CYREN: variants seen among roughly 807,000 people sequenced by gnomAD.
CYREN encodes cell cycle regulator of NHEJ.
CYREN carries 7 observed loss-of-function variants against 9.7 expected under a neutral mutation model. The observed-to-expected ratio is 0.72, with a 90% CI of 0.41 to 1.36. The LOEUF is 1.36. Ranked by LOEUF, CYREN falls within the 40% of genes most tolerant of loss-of-function variation. The probability of loss-of-function intolerance (pLI) is 0.01; values close to 1 mark genes in which losing one functional copy is unlikely to be tolerated. For synonymous variants in CYREN, 76 were observed against 77.9 expected (o/e 0.98, Z 0.13); for missense variants, 215 against 198.1 (o/e 1.09, Z -0.51).
chr7:135,165,043 G>C (rs1339384045), downstream of CYREN: 1 of 1,516,194 alleles, frequency 6.6e-7, no homozygotes. Flanking sequence ...CATGGTCAGA[G>C]GTGGCACATC....
chr7:135,115,329 A>G (rs934961611), intron 2 of CYREN: 5 of 1,209,792 alleles, frequency 4.1e-6, no homozygotes, highest in Non-Finnish European at 4.6e-6. Context: ...CCAATAAGTA[A>G]TTGTGAATAG....
chr7:135,092,314 T>C (rs562317192), downstream of CYREN: 2 of 152,232 alleles, frequency 1.3e-5, no homozygotes, highest in South Asian at 2.1e-4. Flanking sequence ...GAACATTCAT[T>C]GGTATATTTT....
chr7:135,093,774 A>C (rs1462106162), exon 3 of CYREN: 1 of 152,216 alleles, frequency 6.6e-6, no homozygotes, highest in Non-Finnish European at 1.5e-5. Context: ...TTATATGGAA[A>C]TACAAGGGAC....
At chr7:135,134,939 A>G (rs1373093426) in intron 2 of CYREN, 1 of 1,551,086 alleles carries the variant, frequency 6.4e-7, no homozygotes, top group Non-Finnish European at 8.7e-7. Flanking sequence ...GTTATGGCAA[A>G]CTCTTCAGAA....
intron 2 of CYREN, among the ~76,000 whole-genome samples, chr7:135,124,786 T>C (rs1170476673): frequency 6.6e-6 from 1 of 152,198 alleles, no homozygotes; most frequent in Admixed American, 6.5e-5. Context: ...AACAATCTGC[T>C]CCTGAATGAC....
At chr7:135,122,893 C>T (rs1184600980) in intron 2 of CYREN, among the ~76,000 whole-genome samples, 1 of 152,178 alleles carries the variant, frequency 6.6e-6, no homozygotes, top group East Asian at 1.9e-4. Flanking sequence ...ATCCAAGGAT[C>T]AGCGCCTCAA....
At chr7:135,158,154 TTGGGCCTG>T (rs1829840899) in intron 2 of CYREN, among the ~76,000 whole-genome samples, 1 of 152,078 alleles carries the variant, frequency 6.6e-6, no homozygotes, top group Admixed American at 6.5e-5. Context: ...AAATGGCACC[TTGGGCCTG>T]TGACCAGGAG....
intron 2 of CYREN, chr7:135,094,685 C>CA (rs1822386129): frequency 5.5e-6 from 2 of 363,768 alleles, no homozygotes; most frequent in East Asian, 1.5e-4. Context: ...AGGAGAAAAT[C>CA]AATAGGTTAG....
chr7:135,167,963 T>C (rs772017106), intron 2 of CYREN, 156 bp from the exon 3 acceptor site: 99 of 1,311,898 alleles, frequency 7.5e-5, no homozygotes, highest in Non-Finnish European at 9.6e-5. Flanking sequence ...CGGACACAAT[T>C]TCCTCAGCCT....
At chr7:135,115,696 A>G (rs1826222418) in intron 2 of CYREN, 1 of 1,143,908 alleles carries the variant, frequency 8.7e-7, no homozygotes, top group African/African-American at 1.6e-5. Flanking sequence ...TATCCTACGA[A>G]AAAAAAATCT....
chr7:135,098,469 T>G (rs2116998504), intron 2 of CYREN, among the ~76,000 whole-genome samples: 1 of 152,332 alleles, frequency 6.6e-6, no homozygotes, highest in East Asian at 1.9e-4. Context: ...AGATGCATTT[T>G]TTTCCTAAAT....
chr7:135,168,997 C>A lies in CYREN; in HGVS notation c.-75G>T. ...TTTTTTAATTCAGGAAGGTAAATCT[C>A]GTTCTCTCGTCACACCCGGAATTAC... On this transcript the variant is annotated 5_prime_UTR_variant, in exon 2 of 4. Coordinates refer to ENST00000393114, the MANE Select transcript of CYREN (RefSeq NM_024033.4). 7.2e-7 allele frequency: 1 copy of A among 1,396,196 alleles called. No homozygotes were observed. The highest frequency in any genetic ancestry group is 1.4e-5 in the South Asian group (1 of 69,466). The allele number at this position is 1,396,196 out of a possible 1,614,324, so 86.5% of individuals were successfully genotyped here.
At chr7:135,111,949 A>G (rs1469632551) in intron 2 of CYREN, among the ~76,000 whole-genome samples, 1 of 151,974 alleles carries the variant, frequency 6.6e-6, no homozygotes, top group African/African-American at 2.4e-5. Context: ...CCGCACAGGC[A>G]CTTCTATTCA....
chr7:135,112,053 T>A (rs570437517), intron 2 of CYREN, among the ~76,000 whole-genome samples: 1 of 152,224 alleles, frequency 6.6e-6, no homozygotes, highest in Non-Finnish European at 1.5e-5. Flanking sequence ...CCAAGACTTA[T>A]CCTAATGTTG....
At chr7:135,172,280 C>T (rs1830693474), upstream of CYREN, among the ~76,000 whole-genome samples, 1 of 152,156 alleles carries the variant, frequency 6.6e-6, no homozygotes, top group African/African-American at 2.4e-5. Flanking sequence ...CATGGGCACT[C>T]TTGTTCTGGT....
In CYREN at chr7:135,166,446, T is replaced by C. The variant is rs549944349; in HGVS notation, c.*165A>G. 2 of 1,097,790 alleles carry C rather than the reference T, an allele frequency of 1.8e-6. No homozygotes were observed. Among genetic ancestry groups the C allele is most frequent in the East Asian group, 2.5e-5 (1 of 39,216 alleles). 68.0% of individuals were successfully genotyped at this position (1,097,790 alleles called of 1,614,324 possible). The stretch of plus-strand genomic sequence containing the variant: ...AGAACGGCAGCCCCAAGGCCCGGAG[T>C]GTCCAGGGGCTTCTGGCCTGAGGTG... On this transcript the variant is annotated 3_prime_UTR_variant, in exon 4 of 4. Coordinates refer to ENST00000393114, the MANE Select transcript of CYREN (RefSeq NM_024033.4).
intron 2 of CYREN, among the ~76,000 whole-genome samples, chr7:135,156,160 T>G (rs1829787959): frequency 6.6e-6 from 1 of 152,228 alleles, no homozygotes; most frequent in Non-Finnish European, 1.5e-5. Context: ...ACTAGTCACT[T>G]TTGCTAATTT....
intron 2 of CYREN, among the ~76,000 whole-genome samples, chr7:135,110,490 T>C (rs529850122): frequency 6.6e-6 from 1 of 152,078 alleles, no homozygotes; most frequent in Admixed American, 6.5e-5. Flanking sequence ...GTGGAGTGGG[T>C]TCATGAGAAG....
downstream of CYREN, chr7:135,164,460 C>T (rs988297687): frequency 3.8e-6 from 6 of 1,599,838 alleles, no homozygotes; most frequent in Non-Finnish European, 3.4e-6. Context: ...CCCAAGGCCT[C>T]GGTGGCGCGA....
Sources: allele counts gnomAD v4.1 joint callset (sites outside exome capture counted in the v4.1 genomes callset), GRCh38; gene constraint gnomAD v4.1.1; transcripts MANE v1.5; gene names NCBI Gene and HGNC (gene_info 2026-07-23, HGNC 2026-07-21).